RPSA2: variants seen among roughly 807,000 people sequenced by gnomAD.
The protein encoded by RPSA2 is ribosomal protein SA 2.
the RPSA2 span, among the ~76,000 whole-genome samples, chr19:23,778,161 A>G: frequency 3.3e-5 from 5 of 152,278 alleles, no homozygotes; most frequent in Admixed American, 3.3e-4. Flanking sequence ...TACTGGGGGA[A>G]TTGTGATAGA....
At chr19:23,837,504 G>C in the RPSA2 span, among the ~76,000 whole-genome samples, 1 of 152,034 alleles carries the variant, frequency 6.6e-6, no homozygotes, top group South Asian at 2.1e-4. Context: ...GAAGAATGTT[G>C]GTGGTATTTT....
the RPSA2 span, among the ~76,000 whole-genome samples, chr19:23,825,420 G>A: frequency 6.6e-6 from 1 of 152,122 alleles, no homozygotes; most frequent in East Asian, 1.9e-4. Context: ...GTGGAAGAAA[G>A]TCAAATATGA....
At chr19:23,805,152 C>T in the RPSA2 span, among the ~76,000 whole-genome samples, 4 of 1,360 alleles carry the variant, frequency 2.9e-3, no homozygotes, top group Non-Finnish European at 0.026. Flanking sequence ...CACACACACA[C>T]ACACACACAC....
chr19:23,869,753 C>T, the RPSA2 span, among the ~76,000 whole-genome samples: 3 of 152,136 alleles, frequency 2.0e-5, no homozygotes, highest in Non-Finnish European at 2.9e-5. Context: ...ATTCAAGAAA[C>T]AATATGGAAA....
At chr19:23,793,123 A>G in the RPSA2 span, among the ~76,000 whole-genome samples, 1 of 152,156 alleles carries the variant, frequency 6.6e-6, no homozygotes, top group Non-Finnish European at 1.5e-5. Context: ...TTCAGTGAGT[A>G]AAAAGAAAAA....
chr19:23,767,702 G>A, the RPSA2 span, among the ~76,000 whole-genome samples: 9 of 151,286 alleles, frequency 5.9e-5, no homozygotes, highest in Admixed American at 4.6e-4. Context: ...GTCCCAATCA[G>A]CACTGCCACT....
At chr19:23,795,729 G>A in the RPSA2 span, among the ~76,000 whole-genome samples, 573 of 152,220 alleles carry the variant, frequency 3.8e-3, 4 homozygotes, top group African/African-American at 0.013. Flanking sequence ...TTGAGAGAAG[G>A]CATCTTTGCC....
chr19:23,808,461 T>C, the RPSA2 span, among the ~76,000 whole-genome samples: 1 of 151,908 alleles, frequency 6.6e-6, no homozygotes, highest in Non-Finnish European at 1.5e-5. Flanking sequence ...GAGACAGGGT[T>C]TCACCATCTT....
the RPSA2 span, among the ~76,000 whole-genome samples, chr19:23,762,000 C>G: frequency 6.7e-6 from 1 of 149,668 alleles, no homozygotes; most frequent in African/African-American, 2.5e-5. Flanking sequence ...TCACTGCAAC[C>G]TCTGCCTCCC....
At chr19:23,823,579 G>A in the RPSA2 span, among the ~76,000 whole-genome samples, 424 of 152,068 alleles carry the variant, frequency 2.8e-3, 5 homozygotes, top group Admixed American at 4.0e-3. Flanking sequence ...AACTGACTTC[G>A]CGAGCCACTC....
the RPSA2 span, among the ~76,000 whole-genome samples, chr19:23,781,105 G>A: frequency 6.6e-6 from 1 of 152,132 alleles, no homozygotes; most frequent in Non-Finnish European, 1.5e-5. Flanking sequence ...CTTCAGAGTA[G>A]CTGGGACTAC....
At chr19:23,859,518 C>T in the RPSA2 span, among the ~76,000 whole-genome samples, 58 of 152,128 alleles carry the variant, frequency 3.8e-4, no homozygotes, top group African/African-American at 1.4e-3. Context: ...TCCCAGCAAC[C>T]CAGGATGCTT....
chr19:23,860,847 A>G, the RPSA2 span, among the ~76,000 whole-genome samples: 3 of 152,318 alleles, frequency 2.0e-5, no homozygotes, highest in East Asian at 5.8e-4. Context: ...AAATAGAAGA[A>G]AACAGACCCT....
chr19:23,865,917 A>G, the RPSA2 span, among the ~76,000 whole-genome samples: 1 of 152,150 alleles, frequency 6.6e-6, no homozygotes, highest in Admixed American at 6.5e-5. Flanking sequence ...GTTCAGAGCC[A>G]TGTGCCTTCC....
the RPSA2 span, among the ~76,000 whole-genome samples, chr19:23,854,407 C>T: frequency 2.0e-5 from 3 of 152,282 alleles, no homozygotes; most frequent in East Asian, 5.8e-4. Flanking sequence ...ACAGAAGAGG[C>T]TGGGACCCAC....
the RPSA2 span, among the ~76,000 whole-genome samples, chr19:23,797,105 ATATT>A: frequency 2.0e-5 from 3 of 151,244 alleles, no homozygotes; most frequent in African/African-American, 7.3e-5. Flanking sequence ...ATTTTTATTT[ATATT>A]TATTTATTTA....
the RPSA2 span, among the ~76,000 whole-genome samples, chr19:23,835,351 T>C: frequency 1.7e-5 from 2 of 118,598 alleles, no homozygotes; most frequent in African/African-American, 5.1e-5. Context: ...AGTAAGTCTG[T>C]TTGTGTGAGT....
the RPSA2 span, among the ~76,000 whole-genome samples, chr19:23,838,542 T>A: frequency 6.6e-6 from 1 of 151,348 alleles, no homozygotes; most frequent in Non-Finnish European, 1.5e-5. Flanking sequence ...ATCTGTTGGA[T>A]TTTTTTTTGT....
chr19:23,850,507 G>A, the RPSA2 span, among the ~76,000 whole-genome samples: 14 of 148,556 alleles, frequency 9.4e-5, no homozygotes, highest in Non-Finnish European at 1.8e-4. Context: ...TTCTAAGGAG[G>A]TGGCACAGAT....
Sources: allele counts gnomAD v4.1 joint callset (sites outside exome capture counted in the v4.1 genomes callset), GRCh38; gene constraint gnomAD v4.1.1; transcripts MANE v1.5; gene names NCBI Gene and HGNC (gene_info 2026-07-23, HGNC 2026-07-21).